The following SNX30 variants were observed in gnomAD, a reference collection of about 807,000 sequenced individuals.
SNX30 encodes sorting nexin family member 30.
A neutral mutation model predicts 46.4 loss-of-function variants in SNX30; 24 were observed. The observed-to-expected ratio is 0.52, with a 90% CI of 0.37 to 0.73. The LOEUF (loss-of-function observed/expected upper bound fraction) is 0.73, where lower values mean the gene tolerates loss of function less well. SNX30 is among the 30% of genes least tolerant of loss of function. The pLI, the probability that SNX30 is intolerant of heterozygous loss-of-function variation, is 0.00. For missense variants in SNX30, 533 were observed against 555.7 expected (o/e 0.96, Z 0.41); for synonymous variants, 189 against 211.5 (o/e 0.89, Z 0.92).
intron 1 of SNX30, among the ~76,000 whole-genome samples, chr9:112,751,790 G>A (rs2131340236): frequency 6.6e-6 from 1 of 152,280 alleles, no homozygotes; most frequent in East Asian, 1.9e-4. Flanking sequence ...TTTGGCAGAG[G>A]CTGGTTTTGT....
At chr9:112,812,325 G>A (rs1003868293) in intron 2 of SNX30, among the ~76,000 whole-genome samples, 2 of 151,962 alleles carry the variant, frequency 1.3e-5, no homozygotes, top group East Asian at 3.9e-4. Flanking sequence ...ATGCGATCTC[G>A]GCTCACTGCA....
At chr9:112,832,786 T>A (rs923946288) in intron 4 of SNX30, among the ~76,000 whole-genome samples, 10 of 146,148 alleles carry the variant, frequency 6.8e-5, no homozygotes, top group African/African-American at 2.5e-4. Flanking sequence ...TAATAAAAAA[T>A]TTAAAAAAAA....
intron 1 of SNX30, among the ~76,000 whole-genome samples, chr9:112,797,711 C>CTTTTTTTTTTT (rs71384277): frequency 1.6e-5 from 2 of 121,358 alleles, no homozygotes; most frequent in Admixed American, 9.8e-5. Context: ...TTTTCTTTTT[C>CTTTTTTTTTTT]TTTTTTTTTT....
At chr9:112,861,047 C>T (rs1841219742) in intron 7 of SNX30, among the ~76,000 whole-genome samples, 1 of 152,194 alleles carries the variant, frequency 6.6e-6, no homozygotes, top group South Asian at 2.1e-4. Context: ...AAGAGTGCAA[C>T]AGGCAGATCA....
chr9:112,805,871 G>C (rs1840217452), intron 2 of SNX30, among the ~76,000 whole-genome samples: 1 of 152,122 alleles, frequency 6.6e-6, no homozygotes, highest in Admixed American at 6.5e-5. Flanking sequence ...TACAAAGTTG[G>C]TAACCAGGAT....
At chr9:112,783,193 A>G (rs1391847429) in intron 1 of SNX30, among the ~76,000 whole-genome samples, 3 of 152,148 alleles carry the variant, frequency 2.0e-5, no homozygotes, top group African/African-American at 7.2e-5. Flanking sequence ...GTTTAATGAA[A>G]TCTCTGGCGC....
chr9:112,752,436 C>T (rs776657629), intron 1 of SNX30, among the ~76,000 whole-genome samples: 6 of 151,954 alleles, frequency 3.9e-5, no homozygotes, highest in Non-Finnish European at 7.4e-5. Flanking sequence ...GGCAACATAT[C>T]GAGACCCCGT....
chr9:112,864,206 G>A, intron 7 of SNX30, 41 bp from the exon 8 acceptor site: 1 of 1,609,740 alleles, frequency 6.2e-7, no homozygotes, highest in Non-Finnish European at 8.5e-7. Context: ...AGAGATGCCA[G>A]TTTTGTGTGC....
intron 2 of SNX30, among the ~76,000 whole-genome samples, chr9:112,807,735 A>C (rs543750359): frequency 6.6e-6 from 1 of 152,192 alleles, no homozygotes; most frequent in Non-Finnish European, 1.5e-5. Context: ...CAAAATGCAA[A>C]TACTACAGGA....
At chr9:112,794,973 C>G (rs1237389750) in intron 1 of SNX30, among the ~76,000 whole-genome samples, 1 of 152,144 alleles carries the variant, frequency 6.6e-6, no homozygotes. Context: ...CATTATTAAT[C>G]AACTATGTAG....
At chr9:112,784,370 G>T (rs1219204265) in intron 1 of SNX30, among the ~76,000 whole-genome samples, 2 of 152,150 alleles carry the variant, frequency 1.3e-5, no homozygotes, top group Non-Finnish European at 2.9e-5. Context: ...CTTAACAGCC[G>T]TTACCTGTGG....
Position 112,822,536 on chromosome 9 carries a change from G to GTTTTTTTTTTTTTT in SNX30, c.459+4725_459+4726insTTTTTTTTTTTTTT, listed in dbSNP as rs139781990. 3.2e-5 allele frequency among the ~76,000 whole-genome samples: 4 copies of GTTTTTTTTTTTTTT among 123,724 alleles called. 2 individuals are homozygous for GTTTTTTTTTTTTTT. Among genetic ancestry groups the GTTTTTTTTTTTTTT allele is most frequent in the Non-Finnish European group, 3.3e-5 (2 of 60,952 alleles). The allele number at this position is 123,724 out of a possible 152,430, so 81.2% of individuals were successfully genotyped here. ...TTTTCTTTTGTCCCTTTGCTGTTTTGTTTTGTTTTTTTTTTTTGTAAGAAC... is the reference window on the plus strand; with the variant it reads ...TTTTCTTTTGTCCCTTTGCTGTTTTGTTTTTTTTTTTTTTTTTTGTTTTTTTTTTTTGTAAGAAC... On this transcript the variant is annotated intron_variant, in intron 3 of 8. Coordinates refer to ENST00000374232, the MANE Select transcript of SNX30 (RefSeq NM_001012994.2).
At chr9:112,805,092 A>G (rs2131402839) in intron 2 of SNX30, 125 bp downstream of exon 2, 1 of 562,996 alleles carries the variant, frequency 1.8e-6, no homozygotes, top group Non-Finnish European at 3.0e-6. Context: ...TGCAATTGTG[A>G]GTGTGGCTTC....
At chr9:112,885,765 T>G (rs1236593657), downstream of SNX30, 1 of 152,234 alleles carries the variant, frequency 6.6e-6, no homozygotes, top group African/African-American at 2.4e-5. Context: ...TAATTTCACC[T>G]GTCACTTTTC....
At chr9:112,765,620 G>A (rs1009501480) in intron 1 of SNX30, among the ~76,000 whole-genome samples, 12 of 152,100 alleles carry the variant, frequency 7.9e-5, no homozygotes, top group African/African-American at 2.2e-4. Flanking sequence ...GTATGTATCA[G>A]TACTTCATTC....
intron 8 of SNX30, among the ~76,000 whole-genome samples, chr9:112,867,010 C>G (rs1841363138): frequency 6.7e-6 from 1 of 149,010 alleles, no homozygotes; most frequent in Non-Finnish European, 1.5e-5. Context: ...CAGAACTCCT[C>G]CCCCCTCCTC....
At chr9:112,828,515 A>G (rs562161350) in intron 3 of SNX30, among the ~76,000 whole-genome samples, 2 of 152,106 alleles carry the variant, frequency 1.3e-5, no homozygotes, top group Admixed American at 1.3e-4. Context: ...TTTATTTTTT[A>G]TAAAGTTAAA....
intron 2 of SNX30, among the ~76,000 whole-genome samples, chr9:112,811,495 C>T (rs1386597276): frequency 6.6e-6 from 1 of 152,080 alleles, no homozygotes; most frequent in Non-Finnish European, 1.5e-5. Context: ...GGTGGAGTGC[C>T]CTGCTGGATG....
In SNX30 at chr9:112,869,088, A is replaced by T; in HGVS notation, c.*245A>T. 3.8e-6 allele frequency: 2 copies of T among 528,282 alleles called. No homozygotes were observed. Among genetic ancestry groups the T allele is most frequent in the South Asian group, 2.2e-5 (1 of 46,236 alleles). 32.7% of individuals were successfully genotyped at this position (528,282 alleles called of 1,614,324 possible). A position where few individuals can be genotyped will look rare whatever the true frequency, so the allele number is the denominator to read the frequency against. ...CAGCATACCTCCATGTTGTGAAGGC[A>T]TCTGTTCAGTGAAGCACTACGAAAA... On this transcript the variant is annotated 3_prime_UTR_variant, in exon 9 of 9. Transcript: ENST00000374232.
Sources: allele counts gnomAD v4.1 joint callset (sites outside exome capture counted in the v4.1 genomes callset), GRCh38; gene constraint gnomAD v4.1.1; transcripts MANE v1.5; gene names NCBI Gene and HGNC (gene_info 2026-07-23, HGNC 2026-07-21).